SH3D19: variants seen among roughly 807,000 people sequenced by gnomAD.
SH3D19 encodes SH3 domain containing 19, also known as SH3 domain-containing protein 19.
A neutral mutation model predicts 112.1 loss-of-function variants in SH3D19; 58 were observed. The observed-to-expected ratio is 0.52, with a 90% CI of 0.42 to 0.64. The LOEUF is 0.64. SH3D19 is among the 30% of genes least tolerant of loss of function. SH3D19 has a pLI of 0.00. For missense variants in SH3D19, 1,090 were observed against 1,263.4 expected, an observed-to-expected ratio of 0.86 and a Z score of 2.08; for synonymous variants, 391 against 448.5, an observed-to-expected ratio of 0.87 and a Z score of 1.62.
Position 151,144,057 on chromosome 4 carries a change from G to A in SH3D19, c.2083-7C>T. The A allele has an allele frequency of 1.2e-6, 2 of 1,606,112 alleles. No individual in the cohort carries two copies. Among genetic ancestry groups the A allele is most frequent in the Admixed American group, 3.5e-5 (2 of 57,792 alleles). ...TCACAAGTACATCCCCACGCTGCAA[G>A]GTACAATACCACTCTCTGAAGCAAT... is the stretch of plus-strand genomic sequence containing the variant. On this transcript the variant is annotated splice_polypyrimidine_tract_variant and splice_region_variant and intron_variant, in intron 11 of 19. Transcript: ENST00000604030.
intron 1 of SH3D19, among the ~76,000 whole-genome samples, chr4:151,267,341 A>G (rs76668701): frequency 6.7e-6 from 1 of 149,538 alleles, no homozygotes; most frequent in African/African-American, 2.5e-5. Context: ...TTGTCAAAGA[A>G]AAAAAAAAAG....
chr4:151,257,557 C>T (rs1276578066), intron 1 of SH3D19, among the ~76,000 whole-genome samples: 1 of 152,028 alleles, frequency 6.6e-6, no homozygotes, highest in African/African-American at 2.4e-5. Flanking sequence ...ACAACTATTT[C>T]TTCTTCTTCT....
chr4:151,286,636 C>G (rs1457157051), intron 1 of SH3D19, among the ~76,000 whole-genome samples: 2 of 150,266 alleles, frequency 1.3e-5, no homozygotes, highest in Non-Finnish European at 3.0e-5. Context: ...AATAAAAGAC[C>G]AGGTCCAGAT....
At chr4:151,219,737 C>G (rs914358002) in intron 2 of SH3D19, among the ~76,000 whole-genome samples, 1 of 152,170 alleles carries the variant, frequency 6.6e-6, no homozygotes, top group Admixed American at 6.5e-5. Context: ...TTGTCACCTA[C>G]GTGCACTGCA....
At chr4:151,202,455 G>A (rs1230592230) in intron 2 of SH3D19, among the ~76,000 whole-genome samples, 1 of 152,198 alleles carries the variant, frequency 6.6e-6, no homozygotes, top group Non-Finnish European at 1.5e-5. Context: ...TCCAGTGCTG[G>A]CATTTTTAGA....
chr4:151,142,281 C>T (rs2149763330), intron 12 of SH3D19, among the ~76,000 whole-genome samples: 1 of 152,290 alleles, frequency 6.6e-6, no homozygotes, highest in East Asian at 1.9e-4. Flanking sequence ...GTGAACATGG[C>T]TGTAGCATAT....
At chr4:151,293,782 G>A (rs1432949447) in intron 1 of SH3D19, among the ~76,000 whole-genome samples, 1 of 152,138 alleles carries the variant, frequency 6.6e-6, no homozygotes, top group Non-Finnish European at 1.5e-5. Context: ...ACAAAGTCCG[G>A]CCAATCTGAC....
In SH3D19 at chr4:151,133,248, A is replaced by C; in HGVS notation, c.2487-12T>G. On this transcript the variant is annotated splice_polypyrimidine_tract_variant and intron_variant, in intron 15 of 19. Transcript: ENST00000604030. The stretch of plus-strand genomic sequence containing the variant: ...CACATCTTGAGCCTCTGAATGAAGA[A>C]CACATTTTGTGGATTAGACTAGAGA... 6.2e-7 allele frequency: 1 copy of C among 1,613,152 alleles called. No individual in the cohort carries two copies. Among genetic ancestry groups the C allele is most frequent in the Non-Finnish European group, 8.5e-7 (1 of 1,179,230 alleles).
At chr4:151,185,545 G>A (rs1761649821) in intron 3 of SH3D19, among the ~76,000 whole-genome samples, 1 of 152,032 alleles carries the variant, frequency 6.6e-6, no homozygotes, top group South Asian at 2.1e-4. Flanking sequence ...CACAACCCAA[G>A]GGTTATAAGG....
In SH3D19 at chr4:151,155,976, T is replaced by G. The variant is rs549029981; in HGVS notation, c.1755+3264A>C. ...AATTGATAAATGAATTCAGTAAAGT[T>G]GCAGGATACAAAATTAATATACAAA... On this transcript the variant is annotated intron_variant, in intron 9 of 19. Coordinates refer to ENST00000604030, the MANE Select transcript of SH3D19 (RefSeq NM_001378122.1). Among the ~76,000 whole-genome samples, 14 of 152,266 alleles carry G rather than the reference T, an allele frequency of 9.2e-5. No individual in the cohort carries two copies. The South Asian group carries it at 2.5e-3, about 27-fold the overall frequency.
chr4:151,219,780 T>G (rs558739653), intron 2 of SH3D19, among the ~76,000 whole-genome samples: 25 of 152,356 alleles, frequency 1.6e-4, no homozygotes, highest in African/African-American at 5.8e-4. Flanking sequence ...ATGCTTCCGA[T>G]GTATTCATGT....
At chr4:151,305,314 G>C (rs1728818506) in intron 1 of SH3D19, among the ~76,000 whole-genome samples, 1 of 152,196 alleles carries the variant, frequency 6.6e-6, no homozygotes, top group Admixed American at 6.5e-5. Context: ...GGATTTACTA[G>C]ACAAAGACTT....
chr4:151,286,600 TAAA>T (rs200710507), intron 1 of SH3D19, among the ~76,000 whole-genome samples: 3 of 132,814 alleles, frequency 2.3e-5, no homozygotes, highest in Admixed American at 7.6e-5. Context: ...CATTTGTGAT[TAAA>T]AAAAAAAAAA....
intron 1 of SH3D19, among the ~76,000 whole-genome samples, chr4:151,313,982 C>T (rs931977554): frequency 2.0e-5 from 3 of 152,228 alleles, no homozygotes; most frequent in Admixed American, 2.0e-4. Flanking sequence ...CTTGTACAAA[C>T]ATTTTCTTCT....
intron 1 of SH3D19, among the ~76,000 whole-genome samples, chr4:151,226,958 T>A (rs1421262793): frequency 6.6e-6 from 1 of 152,160 alleles, no homozygotes; most frequent in Non-Finnish European, 1.5e-5. Flanking sequence ...CTCCACTATA[T>A]GCTTAAGAAT....
At chr4:151,227,691 TG>T in intron 1 of SH3D19, 1 of 937,864 alleles carries the variant, frequency 1.1e-6, no homozygotes, top group Non-Finnish European at 1.3e-6. Context: ...TGAAGTATAA[TG>T]TCTCAAAGTA....
At position 151,175,725 on chromosome 4, in the gene SH3D19, A is replaced by C. The variant is rs559081014; in HGVS notation, c.530-51T>G. 7 of 1,235,952 alleles carry C rather than the reference A, an allele frequency of 5.7e-6. No individual in the cohort carries two copies. In the South Asian group the frequency reaches 2.4e-4, roughly 43 times the overall value. 76.6% of individuals were successfully genotyped at this position (1,235,952 alleles called of 1,614,324 possible). On this transcript the variant is annotated intron_variant, in intron 6 of 19. Coordinates refer to ENST00000604030, the MANE Select transcript of SH3D19 (RefSeq NM_001378122.1). ...ACAAATAAAAACAAGCCATAACGTT[A>C]ACAATGTATAAGGAAAAAAATAGAA...
At chr4:151,208,560 G>C (rs147742458) in intron 2 of SH3D19, among the ~76,000 whole-genome samples, 1 of 152,124 alleles carries the variant, frequency 6.6e-6, no homozygotes, top group African/African-American at 2.4e-5. Flanking sequence ...AGTAGAAATG[G>C]GGTTTCACCA....
chr4:151,277,032 G>A (rs939177350), intron 1 of SH3D19: 2 of 509,154 alleles, frequency 3.9e-6, no homozygotes, highest in Non-Finnish European at 6.1e-6. Flanking sequence ...ATCTGGCAGC[G>A]GGTGAAGACC....
Sources: gnomAD v4.1 joint callset for allele counts (sites outside exome capture counted in the v4.1 genomes callset) on GRCh38, gnomAD v4.1.1 for gene constraint, MANE v1.5 for transcripts, NCBI Gene and HGNC (gene_info 2026-07-23, HGNC 2026-07-21) for gene names.